PDGFC: variants seen among roughly 807,000 people sequenced by gnomAD.
PDGFC encodes the protein platelet-derived growth factor C.
In PDGFC, 12 loss-of-function variants were observed where a neutral mutation model predicts 35.5. The observed-to-expected ratio is 0.34, with a 90% CI of 0.22 to 0.55. The LOEUF (loss-of-function observed/expected upper bound fraction) is 0.55. PDGFC is among the 20% of genes least tolerant of loss of function. PDGFC has a pLI of 0.91. For missense variants in PDGFC, 322 were observed against 412.4 expected, an observed-to-expected ratio of 0.78 and a Z score of 1.90; for synonymous variants, 159 against 148.8, an observed-to-expected ratio of 1.07 and a Z score of -0.50.
intron 1 of PDGFC, among the ~76,000 whole-genome samples, chr4:156,954,405 C>T (rs1327155759): frequency 1.3e-5 from 2 of 151,902 alleles, no homozygotes; most frequent in Non-Finnish European, 2.9e-5. Context: ...AATCTCAAAA[C>T]CTCAAAGCAA....
intron 1 of PDGFC, among the ~76,000 whole-genome samples, chr4:156,862,036 TAA>T (rs2111116140): frequency 6.6e-6 from 1 of 151,622 alleles, no homozygotes; most frequent in East Asian, 1.9e-4. Flanking sequence ...TTAGGCAGAA[TAA>T]GTTTCTTCTT....
chr4:156,830,958 A>T (rs1339981916), intron 2 of PDGFC, among the ~76,000 whole-genome samples: 1 of 152,140 alleles, frequency 6.6e-6, no homozygotes, highest in Non-Finnish European at 1.5e-5. Context: ...TACCACACCC[A>T]TGACTATTTA....
At chr4:156,845,590 C>T (rs1316449207) in intron 2 of PDGFC, among the ~76,000 whole-genome samples, 1 of 151,700 alleles carries the variant, frequency 6.6e-6, no homozygotes, top group African/African-American at 2.4e-5. Flanking sequence ...TAATTATTGT[C>T]TATAGACATA....
chr4:156,882,027 A>G (rs1730256219), intron 1 of PDGFC, among the ~76,000 whole-genome samples: 1 of 152,016 alleles, frequency 6.6e-6, no homozygotes, highest in African/African-American at 2.4e-5. Flanking sequence ...CAGCATGAAA[A>G]TGGACTAATA....
intron 1 of PDGFC, among the ~76,000 whole-genome samples, chr4:156,868,029 C>T (rs1729886553): frequency 6.6e-6 from 1 of 152,056 alleles, no homozygotes; most frequent in Admixed American, 6.6e-5. Flanking sequence ...AGGTGTGCAC[C>T]ACCACACCCA....
At chr4:156,864,360 T>A (rs1026982541) in intron 1 of PDGFC, among the ~76,000 whole-genome samples, 20 of 152,146 alleles carry the variant, frequency 1.3e-4, no homozygotes, top group African/African-American at 4.8e-4. Flanking sequence ...TTGGAATTAA[T>A]TCACCATGAT....
chr4:156,947,225 G>T (rs1269577855), intron 1 of PDGFC, among the ~76,000 whole-genome samples: 3 of 151,980 alleles, frequency 2.0e-5, no homozygotes, highest in African/African-American at 7.2e-5. Flanking sequence ...CAGGATCTGT[G>T]TGTATGAACA....
chr4:156,821,698 C>A (rs6842012), intron 2 of PDGFC, among the ~76,000 whole-genome samples: 9,012 of 152,158 alleles, frequency 0.059, 877 homozygotes, highest in African/African-American at 0.2. Context: ...CAGGTGTGCA[C>A]CACCATGGCC....
intron 4 of PDGFC, 45 bp from the exon 5 acceptor site, chr4:156,768,035 T>C: frequency 8.8e-7 from 1 of 1,131,246 alleles, no homozygotes; most frequent in Non-Finnish European, 1.3e-6. Flanking sequence ...TGTTGATGCT[T>C]TGAGCCTGAA....
At chr4:156,952,210 A>T (rs1288252340) in intron 1 of PDGFC, among the ~76,000 whole-genome samples, 2 of 151,972 alleles carry the variant, frequency 1.3e-5, no homozygotes, top group Non-Finnish European at 2.9e-5. Context: ...TTTGTGCTTA[A>T]AGAAGTCATG....
At chr4:156,864,090 T>C (rs996812398) in intron 1 of PDGFC, among the ~76,000 whole-genome samples, 3 of 152,130 alleles carry the variant, frequency 2.0e-5, no homozygotes, top group Non-Finnish European at 4.4e-5. Context: ...TCACACATAA[T>C]AGACATTCAA....
rs200970473 is a variant in PDGFC at position 156,926,353 on chromosome 4, C to T, written c.118+44433G>A. The stretch of plus-strand genomic sequence containing the variant: ...AAGAGATTATTTTCATGTGACAAAA[C>T]CATAAAAATGATACAGGAGGGGAGG... On this transcript the variant is annotated intron_variant, in intron 1 of 5. Transcript: ENST00000502773. Among the ~76,000 whole-genome samples the T allele has an allele frequency of 2.6e-5, 4 of 152,114 alleles. No homozygotes were observed. The East Asian group carries it at 7.8e-4, about 30-fold the overall frequency.
At chr4:156,930,322 A>C (rs1731521278) in intron 1 of PDGFC, among the ~76,000 whole-genome samples, 1 of 152,200 alleles carries the variant, frequency 6.6e-6, no homozygotes, top group Non-Finnish European at 1.5e-5. Context: ...AACATCATCA[A>C]ATCTGAGGAA....
At chr4:156,774,672 AAC>A (rs1453693892) in intron 3 of PDGFC, among the ~76,000 whole-genome samples, 363 of 125,012 alleles carry the variant, frequency 2.9e-3, no homozygotes, top group South Asian at 5.7e-3. Flanking sequence ...TTTTTTTTTT[AAC>A]AAAAGTTTAT....
intron 2 of PDGFC, among the ~76,000 whole-genome samples, chr4:156,831,546 C>A (rs944841329): frequency 6.7e-6 from 1 of 148,862 alleles, no homozygotes. Flanking sequence ...CGAGTTACAG[C>A]AATTCTCCTG....
At chr4:156,969,785 T>C (rs764461312) in intron 1 of PDGFC, among the ~76,000 whole-genome samples, 5 of 152,200 alleles carry the variant, frequency 3.3e-5, no homozygotes, top group Non-Finnish European at 7.3e-5. Context: ...CTTTTCAAAT[T>C]ACAGTAAGAG....
At chr4:156,779,043 C>G in intron 3 of PDGFC, 1 of 425,182 alleles carries the variant, frequency 2.4e-6, no homozygotes, top group East Asian at 7.2e-5. Context: ...TGTCTCCAAT[C>G]TCATTTATGT....
At chr4:156,904,250 A>G (rs778801179) in intron 1 of PDGFC, among the ~76,000 whole-genome samples, 1 of 152,042 alleles carries the variant, frequency 6.6e-6, no homozygotes, top group Non-Finnish European at 1.5e-5. Context: ...TTAACGTGAA[A>G]AGTCATGGAT....
chr4:156,925,793 G>A (rs1218651702), intron 1 of PDGFC, among the ~76,000 whole-genome samples: 1 of 150,590 alleles, frequency 6.6e-6, no homozygotes, highest in Non-Finnish European at 1.5e-5. Flanking sequence ...GCTCATGCCT[G>A]TAACTCCAAC....
Sources: gnomAD v4.1 joint callset for allele counts (sites outside exome capture counted in the v4.1 genomes callset) on GRCh38, gnomAD v4.1.1 for gene constraint, MANE v1.5 for transcripts, NCBI Gene and HGNC (gene_info 2026-07-23, HGNC 2026-07-21) for gene names.